The following ANK2 variants were observed in gnomAD, a reference collection of about 807,000 sequenced individuals.
ANK2 encodes the protein ankyrin 2.
In ANK2, 83 loss-of-function variants were observed where a neutral mutation model predicts 360.5. The observed-to-expected ratio is 0.23, with a 90% CI of 0.19 to 0.28. The LOEUF (loss-of-function observed/expected upper bound fraction) is 0.28, where lower values mean the gene tolerates loss of function less well. Among genes scored for constraint, ANK2 ranks in the 10% least tolerant of loss-of-function variants. The pLI, the probability that ANK2 is intolerant of heterozygous loss-of-function variation, is 1.00. For synonymous variants in ANK2, 1,740 were observed against 1,759.5 expected (o/e 0.99, Z 0.28); for missense variants, 4,201 against 4,795.7 (o/e 0.88, Z 3.66).
At chr4:113,262,497 TG>T (rs2153649602) in intron 13 of ANK2, among the ~76,000 whole-genome samples, 1 of 152,296 alleles carries the variant, frequency 6.6e-6, no homozygotes, top group East Asian at 1.9e-4. Flanking sequence ...CCCAAAGTGC[TG>T]GGATTACAGG....
At chr4:112,848,515 C>T (rs1423003663) in intron 1 of ANK2, among the ~76,000 whole-genome samples, 1 of 152,198 alleles carries the variant, frequency 6.6e-6, no homozygotes, top group East Asian at 1.9e-4. Context: ...CATAGTAGAG[C>T]TTCAAAATGT....
At chr4:113,020,135 G>C (rs2057670356) in intron 2 of ANK2, among the ~76,000 whole-genome samples, 1 of 152,148 alleles carries the variant, frequency 6.6e-6, no homozygotes. Flanking sequence ...ATGTTTTTGA[G>C]AGTCAAAGAA....
chr4:112,941,427 ATT>A (rs1325136744), intron 2 of ANK2, among the ~76,000 whole-genome samples: 4 of 144,636 alleles, frequency 2.8e-5, no homozygotes, highest in Non-Finnish European at 6.0e-5. Context: ...AAAAAGATAT[ATT>A]TTTTGTATAT....
chr4:113,163,796 A>T (rs890681007), intron 1 of ANK2, among the ~76,000 whole-genome samples: 2 of 147,856 alleles, frequency 1.4e-5, no homozygotes, highest in African/African-American at 5.0e-5. Flanking sequence ...AAAAAAAGAA[A>T]ACCCAGCTTT....
At chr4:112,728,316 A>AAAAAG in the ANK2 span, among the ~76,000 whole-genome samples, 1 of 150,634 alleles carries the variant, frequency 6.6e-6, no homozygotes, top group Non-Finnish European at 1.5e-5. Context: ...AAAAAAAAAA[A>AAAAAG]AAAAGAAAAG....
chr4:113,068,029 T>G (rs2076226009), intron 1 of ANK2, among the ~76,000 whole-genome samples: 1 of 152,238 alleles, frequency 6.6e-6, no homozygotes, highest in African/African-American at 2.4e-5. Flanking sequence ...ATCTAGTTCC[T>G]GGGATCATTT....
rs2076766525 is a variant in ANK2, at chr4:112,881,822, A to G, written c.-39-22633A>G. On this transcript the variant is annotated intron_variant, in intron 1 of 30. Coordinates refer to the ANK2 transcript ENST00000503271. ...CTTCAGTGTCTTCTTTAATGCCACC[A>G]ACAAATATCTTTTTCACAGTTAAGT... 8.6e-6 allele frequency: 8 copies of G among 932,140 alleles called. No individual in the cohort carries two copies. In the South Asian group the frequency reaches 9.4e-5, roughly 11 times the overall value. 57.7% of individuals were successfully genotyped at this position (932,140 alleles called of 1,614,324 possible).
chr4:113,068,666 G>A (rs2076449502), intron 1 of ANK2, among the ~76,000 whole-genome samples: 1 of 152,088 alleles, frequency 6.6e-6, no homozygotes, highest in Admixed American at 6.6e-5. Context: ...ACATGGCTAA[G>A]AGTCAAAAAC....
At chr4:113,230,456 A>C (rs893519070) in intron 4 of ANK2, among the ~76,000 whole-genome samples, 2 of 152,068 alleles carry the variant, frequency 1.3e-5, no homozygotes, top group African/African-American at 2.4e-5. Context: ...CAGAGGTTGC[A>C]GTGAGCCAAG....
intron 1 of ANK2, among the ~76,000 whole-genome samples, chr4:113,173,818 A>G (rs1324686555): frequency 2.0e-5 from 3 of 152,160 alleles, no homozygotes; most frequent in Admixed American, 2.0e-4. Flanking sequence ...TGGGATCACA[A>G]AATTTGCATC....
intron 23 of ANK2, among the ~76,000 whole-genome samples, chr4:113,307,497 C>T (rs904946437): frequency 8.8e-5 from 13 of 147,976 alleles, no homozygotes; most frequent in African/African-American, 3.0e-4. Flanking sequence ...CTCACTGCAA[C>T]CTCCATCTCC....
rs561742095 is a variant in ANK2 at position 113,284,307 on chromosome 4, G to C, written c.2079+1435G>C. Among the ~76,000 whole-genome samples, 4 of 152,208 alleles carry C rather than the reference G, an allele frequency of 2.6e-5. No homozygotes were observed. The South Asian group carries it at 6.2e-4, about 24-fold the overall frequency. On this transcript the variant is annotated intron_variant, in intron 18 of 45. Transcript: ENST00000357077. ...CATGAAGCATAGAATATTTTATTTA[G>C]TATTAGTGTATGAAGGGGGCATGTG...
At chr4:113,038,623 A>G (rs564397868) in intron 2 of ANK2, among the ~76,000 whole-genome samples, 2 of 151,998 alleles carry the variant, frequency 1.3e-5, no homozygotes, top group South Asian at 4.2e-4. Context: ...GGTGGCGTCG[A>G]TTTCTTCACC....
At chr4:113,009,799 C>T (rs2055655) in intron 2 of ANK2, among the ~76,000 whole-genome samples, 117,596 of 152,042 alleles carry the variant, frequency 0.77, 45,578 homozygotes, top group South Asian at 0.86. Flanking sequence ...TGGAAATACT[C>T]AACTGTGTAT....
chr4:113,280,382 A>G (rs969952369), intron 17 of ANK2, among the ~76,000 whole-genome samples: 1 of 152,174 alleles, frequency 6.6e-6, no homozygotes, highest in Non-Finnish European at 1.5e-5. Flanking sequence ...AGTTCAGAAG[A>G]TGACATAAAG....
chr4:113,170,355 G>T (rs1359088881), intron 1 of ANK2, among the ~76,000 whole-genome samples: 2 of 152,160 alleles, frequency 1.3e-5, no homozygotes, highest in Non-Finnish European at 2.9e-5. Context: ...GTCATGTCCT[G>T]CCATGTATGA....
At chr4:112,773,869 C>T in the ANK2 span, among the ~76,000 whole-genome samples, 3 of 152,008 alleles carry the variant, frequency 2.0e-5, no homozygotes, top group African/African-American at 4.8e-5. Flanking sequence ...GGCAAGATCT[C>T]GGCTTACTGC....
chr4:113,239,349 G>A (rs568660341), intron 7 of ANK2, among the ~76,000 whole-genome samples: 1 of 152,062 alleles, frequency 6.6e-6, no homozygotes, highest in East Asian at 1.9e-4. Context: ...TTAAAACAAA[G>A]CCACCAAAGC....
chr4:112,996,680 A>G (rs1350769537), intron 2 of ANK2, among the ~76,000 whole-genome samples: 3 of 152,132 alleles, frequency 2.0e-5, no homozygotes, highest in Non-Finnish European at 2.9e-5. Context: ...ACGTGAAATA[A>G]TCACATCATG....
Sources: allele counts gnomAD v4.1 joint callset (sites outside exome capture counted in the v4.1 genomes callset), GRCh38; gene constraint gnomAD v4.1.1; transcripts MANE v1.5; gene names NCBI Gene and HGNC (gene_info 2026-07-23, HGNC 2026-07-21).